The following SHROOM2 variants were observed in gnomAD, a reference collection of about 807,000 sequenced individuals.
SHROOM2 encodes the protein protein Shroom2.
SHROOM2 carries 33 observed loss-of-function variants against 75.9 expected under a neutral mutation model. That is an observed-to-expected ratio of 0.43 (90% CI 0.33 to 0.58). SHROOM2 has a LOEUF of 0.58. Ranked by LOEUF, SHROOM2 falls within the 20% of genes least tolerant of loss-of-function variation. SHROOM2 has a pLI of 0.04. For missense variants in SHROOM2, 1,434 were observed against 1,461.2 expected, an observed-to-expected ratio of 0.98 and a Z score of 0.30; for synonymous variants, 655 against 663.6, an observed-to-expected ratio of 0.99 and a Z score of 0.20.
chrX:9,838,100 A>G lies in SHROOM2; in HGVS notation c.166-35552A>G, dbSNP rs1263084728. ...TTTTGAGACAGAGTCTTGCTCTGTC[A>G]CCCAGGCTGAAGTGCAGTGGCACGA... is the stretch of plus-strand genomic sequence containing the variant. On this transcript the variant is annotated intron_variant, in intron 1 of 9. Coordinates refer to ENST00000380913, the MANE Select transcript of SHROOM2 (RefSeq NM_001649.4). 8.1e-5 allele frequency among the ~76,000 whole-genome samples: 7 copies of G among 86,860 alleles called. No homozygotes were observed. The Admixed American group carries it at 1.1e-3, about 14-fold the overall frequency. The allele number at this position is 86,860 out of a possible 115,157, so 75.4% of individuals were successfully genotyped here.
rs968935607 is a variant in SHROOM2, at chrX:9,947,709, C to T, written c.*772C>T. 6 of 112,527 alleles carry T rather than the reference C, an allele frequency of 5.3e-5. No homozygotes were observed. The highest frequency in any genetic ancestry group is 2.8e-4 in the East Asian group (1 of 3,585). 9.3% of individuals were successfully genotyped at this position (112,527 alleles called of 1,213,427 possible). Reference sequence around the variant, plus strand: ...CAAAGTAAAATTTTTTGGTTAAGAGCGTGTCCAGTAGTAATGTGCTTGTTA... The same window carrying T: ...CAAAGTAAAATTTTTTGGTTAAGAGTGTGTCCAGTAGTAATGTGCTTGTTA... On this transcript the variant is annotated 3_prime_UTR_variant, in exon 10 of 10. Transcript: ENST00000380913.
chrX:9,831,896 A>G (rs962823746), intron 1 of SHROOM2, among the ~76,000 whole-genome samples: 8 of 110,352 alleles, frequency 7.2e-5, no homozygotes, highest in African/African-American at 2.3e-4. Flanking sequence ...CACCTCCCAA[A>G]GGCCCCACCT....
chrX:9,816,191 G>A (rs770005335), intron 1 of SHROOM2, among the ~76,000 whole-genome samples: 17 of 112,391 alleles, frequency 1.5e-4, no homozygotes, highest in African/African-American at 5.5e-4. Flanking sequence ...TGATGGACAT[G>A]TGGGTGGTTC....
At position 9,925,130 on chromosome X, in the gene SHROOM2, C is replaced by T. The variant is rs1018301105; in HGVS notation, c.2892-7045C>T. On this transcript the variant is annotated intron_variant, in intron 5 of 9. Transcript: ENST00000380913. ...GTCTCCTTTTTCCACCTCATCTGGC[C>T]TTTGTGGAGTGCTGTGTTGGCAAAA... Among the ~76,000 whole-genome samples the T allele has an allele frequency of 4.5e-5, 5 of 112,149 alleles. No homozygotes were observed. The Admixed American group carries it at 4.7e-4, about 11-fold the overall frequency.
intron 8 of SHROOM2, among the ~76,000 whole-genome samples, chrX:9,940,402 A>T (rs1003678351): frequency 9.0e-6 from 1 of 111,581 alleles, no homozygotes; most frequent in African/African-American, 3.3e-5. Context: ...TGCCGCCCTC[A>T]TCTGTGGGGC....
intron 1 of SHROOM2, among the ~76,000 whole-genome samples, chrX:9,827,070 G>A (rs1027713540): frequency 2.7e-5 from 3 of 110,823 alleles, no homozygotes; most frequent in African/African-American, 6.6e-5. Context: ...GCTGCGAAGC[G>A]CTATTGATGG....
At position 9,850,481 on chromosome X, in the gene SHROOM2, G is replaced by T. The variant is rs1335344758; in HGVS notation, c.166-23171G>T. Reference sequence around the variant, plus strand: ...CCCTCTCCTCACAGTTGTACAGCGGGCCAGCATTGTTGTTTGGCTTCCTGG... The same window carrying T: ...CCCTCTCCTCACAGTTGTACAGCGGTCCAGCATTGTTGTTTGGCTTCCTGG... On this transcript the variant is annotated intron_variant, in intron 1 of 9. Transcript: ENST00000380913. Among the ~76,000 whole-genome samples, 3 of 111,142 alleles carry T rather than the reference G, an allele frequency of 2.7e-5. No homozygotes were observed. In the South Asian group the frequency reaches 1.2e-3, roughly 43 times the overall value.
rs7881210 is a variant in SHROOM2 at position 9,937,320 on chromosome X, G to C, written c.3774G>C (p.Ser1258=). The C allele has an allele frequency of 3.2e-3, 3,865 of 1,206,114 alleles. 89 individuals carry two copies. The African/African-American group carries it at 0.058, about 18-fold the overall frequency. Residue 1258 remains serine (S), a synonymous_variant, in exon 7 of 10, where the codon TCG becomes TCC. Transcript: ENST00000380913. ...TGAGCACATCTGAGCAGTTCTACTC[G>C]CGCTTCTGTCTGTACACGCGGCAGG... is the stretch of plus-strand genomic sequence containing the variant. The part of the protein sequence containing the change: ...KTLSTSEQFY[S]RFCLYTRQGA...
At chrX:9,907,017 C>T (rs757741633) in intron 5 of SHROOM2, among the ~76,000 whole-genome samples, 1 of 111,088 alleles carries the variant, frequency 9.0e-6, no homozygotes, top group East Asian at 2.9e-4. Context: ...TAGATTCCAG[C>T]CCTTGCTGGT....
chrX:9,918,080 A>G (rs1026963549), intron 5 of SHROOM2, among the ~76,000 whole-genome samples: 1 of 111,546 alleles, frequency 9.0e-6, no homozygotes, highest in African/African-American at 3.3e-5. Context: ...GTTTGCCCCT[A>G]TGTTTTAATC....
chrX:9,817,024 T>G (rs1453337751), intron 1 of SHROOM2, among the ~76,000 whole-genome samples: 1 of 111,208 alleles, frequency 9.0e-6, no homozygotes. Flanking sequence ...CAAGCTGGAG[T>G]GCAGTGGTGT....
intron 1 of SHROOM2, among the ~76,000 whole-genome samples, chrX:9,815,283 G>A (rs147066385): frequency 0.014 from 1,567 of 110,574 alleles, 23 homozygotes; most frequent in African/African-American, 0.05. Flanking sequence ...GCATTTTGGA[G>A]TCTAATCATA....
Position 9,786,459 on chromosome X carries a change from G to A in SHROOM2, c.-87G>A. On this transcript the variant is annotated 5_prime_UTR_variant, in exon 1 of 10. Transcript: ENST00000380913. Reference sequence around the variant, plus strand: ...CTTTCCAAGTTACGGCGCAAGTTCTGCGGCGCTCGGAGCCTCCCTTGCGAT... The same window carrying A: ...CTTTCCAAGTTACGGCGCAAGTTCTACGGCGCTCGGAGCCTCCCTTGCGAT... The A allele has an allele frequency of 1.4e-6, 1 of 722,133 alleles. No homozygotes were observed. Among genetic ancestry groups the A allele is most frequent in the Non-Finnish European group, 1.7e-6 (1 of 586,705 alleles). 59.5% of individuals were successfully genotyped at this position (722,133 alleles called of 1,213,427 possible).
chrX:9,931,491 T>C (rs1251836564), intron 5 of SHROOM2, among the ~76,000 whole-genome samples: 1 of 110,601 alleles, frequency 9.0e-6, no homozygotes, highest in Non-Finnish European at 1.9e-5. Context: ...TACTAAAATT[T>C]TAAAAGTTAG....
In SHROOM2 at chrX:9,937,563, G is replaced by T. The variant is rs1045775270; in HGVS notation, c.4017G>T (p.Lys1339Asn). The change falls in exon 7 of 10, where the codon AAG becomes AAT. Residue 1339 changes from lysine (K) to asparagine (N), a missense_variant. Lys to Asn is a moderately conservative substitution (Grantham distance 94). This residue lies in a region of SHROOM2 where 1,340 missense variants were observed against 1,338.3 expected (regional missense o/e 1.00). Coordinates refer to ENST00000380913, the MANE Select transcript of SHROOM2 (RefSeq NM_001649.4). ...SLADILDPSV[K>N]IKTTMDLMEG... ...CCGACATCCTGGATCCCAGTGTGAAGATCAAAACCACTATGGACTTGATGG... is the reference window on the plus strand; with the variant it reads ...CCGACATCCTGGATCCCAGTGTGAATATCAAAACCACTATGGACTTGATGG... The T allele has an allele frequency of 8.3e-7, 1 of 1,210,338 alleles. No homozygotes were observed. The highest frequency in any genetic ancestry group is 1.7e-5 in the African/African-American group (1 of 57,353).
rs200823186 is a variant in SHROOM2, at chrX:9,937,411, C to T, written c.3865C>T (p.Pro1289Ser). ...AEPQPLGTQV[P>S]PEKDRCTSPP... ...GCCCCAGCCCCTGGGCACCCAGGTGCCCCCCGAGAAAGACCGCTGCACCTC... is the reference window on the plus strand; with the variant it reads ...GCCCCAGCCCCTGGGCACCCAGGTGTCCCCCGAGAAAGACCGCTGCACCTC... The change falls in exon 7 of 10, where the codon CCC becomes TCC. Residue 1289 changes from proline to serine, a missense_variant. By Grantham distance (74) the Pro-to-Ser change is moderately conservative. Coordinates refer to ENST00000380913, the MANE Select transcript of SHROOM2 (RefSeq NM_001649.4). 1 of 1,208,396 alleles carries T rather than the reference C, an allele frequency of 8.3e-7. No individual in the cohort carries two copies. The highest frequency in any genetic ancestry group is 1.1e-6 in the Non-Finnish European group (1 of 894,072).
Position 9,937,634 on chromosome X carries a change from A to C in SHROOM2, c.4088A>C (p.Gln1363Pro). Reference protein sequence around the residue: ...KDEHLLEEAQQRRKLLPKIPS... With the variant: ...KDEHLLEEAQPRRKLLPKIPS... ...GAGCACCTCCTGGAAGAAGCCCAGC[A>C]ACGGAGGAAGCTGCTCCCCAAAATC... Residue 1363 changes from glutamine (Q) to proline (P), a missense_variant, in exon 7 of 10, where the codon CAA becomes CCA. Gln to Pro is a moderately conservative substitution (Grantham distance 76). This residue lies in a region of SHROOM2 where 1,340 missense variants were observed against 1,338.3 expected (regional missense o/e 1.00). Transcript: ENST00000380913. The C allele has an allele frequency of 8.3e-7, 1 of 1,208,225 alleles. No individual in the cohort carries two copies. Among genetic ancestry groups the C allele is most frequent in the Non-Finnish European group, 1.1e-6 (1 of 893,743 alleles).
chrX:9,867,251 A>G (rs903118092), intron 1 of SHROOM2, among the ~76,000 whole-genome samples: 2 of 111,164 alleles, frequency 1.8e-5, no homozygotes, highest in African/African-American at 3.3e-5. Context: ...GTGAGTTTCC[A>G]CACAGAATAT....
At chrX:9,874,783 A>C (rs2084188930) in intron 2 of SHROOM2, 1 of 109,478 alleles carries the variant, frequency 9.1e-6, no homozygotes, top group Non-Finnish European at 1.9e-5. Context: ...TTCAGAAATG[A>C]GGAAGGGCCA....
Sources: gnomAD v4.1 joint callset for allele counts (sites outside exome capture counted in the v4.1 genomes callset) on GRCh38, gnomAD v4.1.1 for gene constraint, gnomAD v4.1.1 regional missense constraint, MANE v1.5 for transcripts, NCBI Gene and HGNC (gene_info 2026-07-23, HGNC 2026-07-21) for gene names.